FCHSD2: variants seen among roughly 807,000 people sequenced by gnomAD.
FCHSD2 encodes F-BAR and double SH3 domains protein 2.
Under a neutral mutation model 108.1 loss-of-function variants are expected in FCHSD2, and 38 were observed. That is an observed-to-expected ratio of 0.35 (90% CI 0.27 to 0.46). The LOEUF (loss-of-function observed/expected upper bound fraction) is 0.46, where lower values mean the gene tolerates loss of function less well. Among genes scored for constraint, FCHSD2 ranks in the 20% least tolerant of loss-of-function variants. The pLI is 1.00. For synonymous variants in FCHSD2, 279 were observed against 314.7 expected (o/e 0.89, Z 1.20); for missense variants, 751 against 897.8 (o/e 0.84, Z 2.09).
intron 8 of FCHSD2, among the ~76,000 whole-genome samples, chr11:72,977,122 A>G (rs1857118989): frequency 6.6e-6 from 1 of 151,948 alleles, no homozygotes; most frequent in South Asian, 2.1e-4. Context: ...ACAGCATTTC[A>G]CCATATTGGC....
intron 12 of FCHSD2, among the ~76,000 whole-genome samples, chr11:72,883,011 A>C (rs1156753755): frequency 6.6e-6 from 1 of 152,246 alleles, no homozygotes; most frequent in Non-Finnish European, 1.5e-5. Flanking sequence ...ATTCATACAC[A>C]TATGATTAGT....
In FCHSD2 at chr11:72,921,903, GGC is replaced by G; in HGVS notation, c.751_752del (p.Ala251LeufsTer5). 1 of 1,602,914 alleles carries G rather than the reference GGC, an allele frequency of 6.2e-7. No individual in the cohort carries two copies. Among genetic ancestry groups the G allele is most frequent in the African/African-American group, 1.3e-5 (1 of 74,938 alleles). ...ATGTTTCTAGCTCAGTCCGGCTGAA[GGC>G]TATTAAATAATCCTTGAGATGATCA... is the stretch of plus-strand genomic sequence containing the variant. ...VYDHLKDYLIAFSRTELETCQ... is the reference protein window; with the variant it reads ...VYDHLKDYLIXFSRTELETCQ... On this transcript the variant is annotated frameshift_variant, in exon 9 of 20. Transcript: ENST00000409418. LOFTEE classifies it high-confidence loss of function.
intron 3 of FCHSD2, among the ~76,000 whole-genome samples, chr11:73,055,662 A>G (rs1267622451): frequency 6.6e-6 from 1 of 152,222 alleles, no homozygotes; most frequent in Admixed American, 6.5e-5. Context: ...TATATCACTT[A>G]AATTTTTTAA....
intron 10 of FCHSD2, among the ~76,000 whole-genome samples, chr11:72,900,046 G>A (rs942548486): frequency 1.3e-5 from 2 of 152,178 alleles, no homozygotes; most frequent in African/African-American, 4.8e-5. Flanking sequence ...AGATTAAGGT[G>A]CTTCACACAA....
intron 3 of FCHSD2, among the ~76,000 whole-genome samples, chr11:73,075,221 T>C (rs1043091169): frequency 1.3e-5 from 2 of 152,188 alleles, no homozygotes; most frequent in Non-Finnish European, 2.9e-5. Flanking sequence ...TAAATTGCAA[T>C]AATCACCTGA....
In FCHSD2 at chr11:72,909,841, G is replaced by A. The variant is rs370226557; in HGVS notation, c.829-7203C>T. The stretch of plus-strand genomic sequence containing the variant: ...TGAGGAGCACCTCTGCCCGGCAGCC[G>A]CCCCATCTGGGAAGTGAGGAGTGCC... On this transcript the variant is annotated intron_variant, in intron 9 of 19. Coordinates refer to ENST00000409418, the MANE Select transcript of FCHSD2 (RefSeq NM_014824.3). 1.1e-3 allele frequency among the ~76,000 whole-genome samples: 133 copies of A among 120,418 alleles called. No homozygotes were observed. In the East Asian group the frequency reaches 0.023, roughly 21 times the overall value. 79.0% of individuals were successfully genotyped at this position (120,418 alleles called of 152,430 possible).
In FCHSD2 at chr11:72,971,878, G is replaced by A. The variant is rs117617770; in HGVS notation, c.705+12210C>T. 1.6e-4 allele frequency among the ~76,000 whole-genome samples: 24 copies of A among 152,234 alleles called. No individual in the cohort carries two copies. The East Asian group carries it at 3.3e-3, about 21-fold the overall frequency. ...TTGTGGTGATTTGTTACATAGCAAC[G>A]GAAATCAAATATAACTGCAAAGGAA... On this transcript the variant is annotated intron_variant, in intron 8 of 19. Coordinates refer to ENST00000409418, the MANE Select transcript of FCHSD2 (RefSeq NM_014824.3).
intron 2 of FCHSD2, among the ~76,000 whole-genome samples, chr11:73,107,404 C>T (rs895557679): frequency 6.6e-6 from 1 of 152,052 alleles, no homozygotes; most frequent in Non-Finnish European, 1.5e-5. Flanking sequence ...TAGATGAGGA[C>T]ATGAGATATT....
chr11:73,053,881 T>C (rs191853918), intron 3 of FCHSD2, among the ~76,000 whole-genome samples: 50 of 152,334 alleles, frequency 3.3e-4, no homozygotes, highest in Non-Finnish European at 5.6e-4. Context: ...ATTTAAATTA[T>C]AGATTGAAAT....
At chr11:72,922,608 A>T (rs1278870024) in intron 8 of FCHSD2, among the ~76,000 whole-genome samples, 1 of 152,178 alleles carries the variant, frequency 6.6e-6, no homozygotes, top group African/African-American at 2.4e-5. Flanking sequence ...CTGTCACCAA[A>T]ATAAAAACCG....
intron 8 of FCHSD2, among the ~76,000 whole-genome samples, chr11:72,934,608 A>G (rs1856263838): frequency 6.6e-6 from 1 of 152,186 alleles, no homozygotes. Flanking sequence ...TGCTGGGATC[A>G]CAGGCATGAG....
At chr11:72,881,943 C>A (rs1855097463) in intron 12 of FCHSD2, among the ~76,000 whole-genome samples, 1 of 151,930 alleles carries the variant, frequency 6.6e-6, no homozygotes, top group Non-Finnish European at 1.5e-5. Flanking sequence ...AGATTGAGAC[C>A]ATCCTGACTA....
intron 8 of FCHSD2, among the ~76,000 whole-genome samples, chr11:72,939,817 C>T (rs746763642): frequency 6.6e-6 from 1 of 151,486 alleles, no homozygotes; most frequent in Non-Finnish European, 1.5e-5. Context: ...TGGGGTTTCA[C>T]CATGTTTGTC....
chr11:73,051,866 TAAACACAC>T (rs754160475), intron 3 of FCHSD2, among the ~76,000 whole-genome samples: 3 of 102,846 alleles, frequency 2.9e-5, no homozygotes, highest in Non-Finnish European at 5.8e-5. Flanking sequence ...ACACGGTATA[TAAACACAC>T]ACACACACAC....
chr11:73,105,344 G>T (rs1015417038), intron 2 of FCHSD2, among the ~76,000 whole-genome samples: 9 of 152,194 alleles, frequency 5.9e-5, no homozygotes, highest in African/African-American at 2.2e-4. Context: ...TTAGCTCCAT[G>T]CTTTATCACA....
At chr11:72,960,781 C>T (rs2135372147) in intron 8 of FCHSD2, among the ~76,000 whole-genome samples, 1 of 152,136 alleles carries the variant, frequency 6.6e-6, no homozygotes, top group Admixed American at 6.6e-5. Context: ...AATAAAGAAC[C>T]CCAGGGTGTG....
chr11:72,900,264 A>G (rs1333573097), intron 10 of FCHSD2: 1 of 1,544,352 alleles, frequency 6.5e-7, no homozygotes, highest in Non-Finnish European at 8.8e-7. Context: ...TACCTCAGCT[A>G]TGGTCATTCT....
At chr11:73,136,620 T>C (rs928631954) in intron 2 of FCHSD2, among the ~76,000 whole-genome samples, 4 of 152,198 alleles carry the variant, frequency 2.6e-5, no homozygotes, top group African/African-American at 9.6e-5. Flanking sequence ...CTTTTCTAAG[T>C]GAATTCATAC....
In FCHSD2 at chr11:73,062,970, C is replaced by T. The variant is rs1306848335; in HGVS notation, c.165+20725G>A. ...AAGATACTCCTCAAGAAGAGCAACC[C>T]TAAGACACATAATCGTCAGATTCAC... On this transcript the variant is annotated intron_variant, in intron 3 of 19. Transcript: ENST00000409418. Among the ~76,000 whole-genome samples, 3 of 152,062 alleles carry T rather than the reference C, an allele frequency of 2.0e-5. No individual in the cohort carries two copies. The East Asian group carries it at 5.8e-4, about 29-fold the overall frequency.
Sources: gnomAD v4.1 joint callset for allele counts (sites outside exome capture counted in the v4.1 genomes callset) on GRCh38, gnomAD v4.1.1 for gene constraint, MANE v1.5 for transcripts, NCBI Gene and HGNC (gene_info 2026-07-23, HGNC 2026-07-21) for gene names.